IMPA2: variants seen among roughly 807,000 people sequenced by gnomAD.
IMPA2 encodes IMP 2.
A neutral mutation model predicts 35.1 loss-of-function variants in IMPA2; 32 were observed. The observed-to-expected ratio is 0.91, with a 90% CI of 0.69 to 1.23. The LOEUF is 1.23. Ranked by LOEUF, IMPA2 falls within the 50% of genes most tolerant of loss-of-function variation. The probability of loss-of-function intolerance (pLI) is 0.00; values close to 1 mark genes in which losing one functional copy is unlikely to be tolerated. For missense variants in IMPA2, 334 were observed against 387.6 expected (o/e 0.86, Z 1.16); for synonymous variants, 135 against 160.6 (o/e 0.84, Z 1.20).
intron 1 of IMPA2, among the ~76,000 whole-genome samples, chr18:11,998,474 A>G (rs1031038064): frequency 2.6e-5 from 4 of 152,206 alleles, no homozygotes; most frequent in Non-Finnish European, 5.9e-5. Context: ...AGAGCTGGCC[A>G]TGGTTCCTGA....
chr18:12,029,096 C>T (rs966698472), intron 7 of IMPA2, 103 bp downstream of exon 7: 17 of 950,122 alleles, frequency 1.8e-5, no homozygotes, highest in Middle Eastern at 2.2e-4. Flanking sequence ...TCCCACCTTC[C>T]CCAGAGTTTC....
rs370481001 is a variant in IMPA2, at chr18:12,030,427, C to T, written c.836C>T (p.Thr279Met). Residue 279 changes from threonine (T) to methionine (M), a missense_variant, in exon 8 of 8, where the codon ACG (threonine) becomes ATG (methionine). By Grantham distance (81) the Thr-to-Met change is moderately conservative. Coordinates refer to ENST00000269159, the MANE Select transcript of IMPA2 (RefSeq NM_014214.3). ...ATGCTCATAGCTCAGGCCTTACAGA[C>T]GATTAACTATGGGCGGGATGATGAG... ...MAMLIAQALQTINYGRDDEK is the reference protein window; with the variant it reads ...MAMLIAQALQMINYGRDDEK The T allele has an allele frequency of 1.9e-5, 30 of 1,614,020 alleles. No homozygotes were observed. Among genetic ancestry groups the T allele is most frequent in the Admixed American group, 3.3e-5 (2 of 60,008 alleles).
At chr18:12,015,091 G>T (rs1598700373) in intron 5 of IMPA2, among the ~76,000 whole-genome samples, 2 of 152,226 alleles carry the variant, frequency 1.3e-5, no homozygotes, top group African/African-American at 4.8e-5. Flanking sequence ...CCAGACAAAT[G>T]AGAGAAGCCT....
In IMPA2 at chr18:11,982,624, G is replaced by A. The variant is rs546947927; in HGVS notation, c.96+859G>A. 1.5e-4 allele frequency among the ~76,000 whole-genome samples: 23 copies of A among 152,238 alleles called. No homozygotes were observed. The South Asian group carries it at 4.8e-3, about 32-fold the overall frequency. ...AGCCTGACCAACATGGTGAAACCCC[G>A]TCTCTACTGAAAATACAAAATTAGC... On this transcript the variant is annotated intron_variant, in intron 1 of 7. Coordinates refer to ENST00000269159, the MANE Select transcript of IMPA2 (RefSeq NM_014214.3).
intron 2 of IMPA2, chr18:12,008,717 C>T: frequency 2.7e-6 from 1 of 367,454 alleles, no homozygotes; most frequent in South Asian, 2.0e-5. Context: ...TTGGCCTGAG[C>T]AGGGGGTGCT....
At chr18:12,014,983 G>A (rs191747792) in intron 5 of IMPA2, among the ~76,000 whole-genome samples, 166 of 152,286 alleles carry the variant, frequency 1.1e-3, no homozygotes, top group African/African-American at 3.7e-3. Flanking sequence ...GGCCAGTTTA[G>A]GTTTTCACTG....
At chr18:12,004,539 T>TG (rs985424292) in intron 2 of IMPA2, among the ~76,000 whole-genome samples, 1 of 151,516 alleles carries the variant, frequency 6.6e-6, no homozygotes, top group African/African-American at 2.4e-5. Flanking sequence ...TGTGGGTTTT[T>TG]TTTTTTTTTG....
intron 5 of IMPA2, among the ~76,000 whole-genome samples, chr18:12,018,914 C>T (rs972237689): frequency 1.3e-5 from 2 of 151,792 alleles, no homozygotes; most frequent in African/African-American, 4.8e-5. Context: ...AGCCCCAACT[C>T]CAGGGCCCGA....
chr18:12,009,615 G>T (rs1174965956), intron 2 of IMPA2, among the ~76,000 whole-genome samples: 1 of 152,062 alleles, frequency 6.6e-6, no homozygotes, highest in Admixed American at 6.5e-5. Flanking sequence ...GCATTTCTCT[G>T]CCTGGCCTGC....
chr18:12,013,214 C>T (rs1298911161), intron 4 of IMPA2, among the ~76,000 whole-genome samples: 1 of 152,150 alleles, frequency 6.6e-6, no homozygotes, highest in East Asian at 1.9e-4. Context: ...CCTGGCTTTT[C>T]GTGGTGGGCT....
intron 1 of IMPA2, among the ~76,000 whole-genome samples, chr18:11,995,342 G>A (rs1275057378): frequency 2.6e-5 from 4 of 152,230 alleles, no homozygotes; most frequent in East Asian, 1.9e-4. Flanking sequence ...GATGTGACTC[G>A]GAAGTTGCAG....
chr18:12,020,172 CTTTA>C (rs538492835), intron 5 of IMPA2, among the ~76,000 whole-genome samples: 339 of 150,194 alleles, frequency 2.3e-3, no homozygotes, highest in African/African-American at 4.8e-3. Flanking sequence ...CACACTCGGC[CTTTA>C]TTTATTGATT....
At chr18:12,014,120 G>C (rs527262992) in intron 4 of IMPA2, 145 bp from the exon 5 acceptor site, 84 of 650,968 alleles carry the variant, frequency 1.3e-4, no homozygotes, top group African/African-American at 3.8e-4. Flanking sequence ...CTTTTTCTCA[G>C]TTCCTTTTGG....
intron 1 of IMPA2, among the ~76,000 whole-genome samples, chr18:11,986,833 C>T (rs1045378181): frequency 6.6e-6 from 1 of 152,160 alleles, no homozygotes; most frequent in African/African-American, 2.4e-5. Context: ...TTCTGTGTTA[C>T]GCCGTGTAGT....
At chr18:12,026,434 T>G (rs555298647) in intron 5 of IMPA2, among the ~76,000 whole-genome samples, 5 of 152,320 alleles carry the variant, frequency 3.3e-5, no homozygotes, top group African/African-American at 1.2e-4. Flanking sequence ...CCAACAAAAT[T>G]CTGCCTCAAA....
intron 1 of IMPA2, among the ~76,000 whole-genome samples, chr18:11,987,713 CTT>C (rs1207883600): frequency 2.6e-5 from 4 of 152,090 alleles, no homozygotes; most frequent in African/African-American, 9.7e-5. Context: ...TTGCACATGT[CTT>C]TTGATTATGT....
Position 12,028,845 on chromosome 18 carries a change from C to T in IMPA2, c.603C>T (p.Val201=). 8 of 1,614,010 alleles carry T rather than the reference C, an allele frequency of 5.0e-6. No individual in the cohort carries two copies. The highest frequency in any genetic ancestry group is 6.8e-6 in the Non-Finnish European group (8 of 1,179,944). Residue 201 remains valine (V), a synonymous_variant, in exon 7 of 8, where the codon GTC becomes GTT. Coordinates refer to ENST00000269159, the MANE Select transcript of IMPA2 (RefSeq NM_014214.3). The part of the protein sequence containing the change: ...ERLLHAKAHG[V]RVIGSSTLAL... ...GTCCTCCCTTCCCTCTCCCCAGGGT[C>T]CGAGTGATTGGAAGCTCCACATTGG...
At chr18:12,017,633 G>T in intron 5 of IMPA2, 1 of 420,226 alleles carries the variant, frequency 2.4e-6, no homozygotes, top group South Asian at 1.7e-5. Context: ...CTGTCACCCA[G>T]GCTGGAGTGC....
chr18:12,005,366 T>C (rs1323789047), intron 2 of IMPA2, among the ~76,000 whole-genome samples: 1 of 152,148 alleles, frequency 6.6e-6, no homozygotes, highest in Non-Finnish European at 1.5e-5. Context: ...ATGCCTGTGG[T>C]CCCAGCTACT....
Sources: allele counts gnomAD v4.1 joint callset (sites outside exome capture counted in the v4.1 genomes callset), GRCh38; gene constraint gnomAD v4.1.1; transcripts MANE v1.5; gene names NCBI Gene and HGNC (gene_info 2026-07-23, HGNC 2026-07-21).